SLC36A1: variants seen among roughly 807,000 people sequenced by gnomAD.
The protein encoded by SLC36A1 is solute carrier family 36 member 1.
SLC36A1 carries 30 observed loss-of-function variants against 47.5 expected under a neutral mutation model. That is an observed-to-expected ratio of 0.63 (90% CI 0.47 to 0.86). SLC36A1 has a LOEUF of 0.86. Among genes scored for constraint, SLC36A1 ranks in the 40% least tolerant of loss-of-function variants. The pLI, the probability that SLC36A1 is intolerant of heterozygous loss-of-function variation, is 0.00. For missense variants in SLC36A1, 517 were observed against 606.0 expected, an observed-to-expected ratio of 0.85 and a Z score of 1.54; for synonymous variants, 255 against 249.7, an observed-to-expected ratio of 1.02 and a Z score of -0.20.
At chr5:151,413,881 A>G in the SLC36A1 span, among the ~76,000 whole-genome samples, 1 of 152,108 alleles carries the variant, frequency 6.6e-6, no homozygotes. Context: ...ATATATGTAT[A>G]TATATACATA....
the SLC36A1 span, among the ~76,000 whole-genome samples, chr5:151,546,699 A>C: frequency 6.6e-6 from 1 of 152,166 alleles, no homozygotes; most frequent in African/African-American, 2.4e-5. Flanking sequence ...CATCATACAG[A>C]ATTTTTAACC....
chr5:151,449,475 G>GATTGTATCGTTTAT (rs1753283943), intron 1 of SLC36A1, among the ~76,000 whole-genome samples: 1 of 152,178 alleles, frequency 6.6e-6, no homozygotes, highest in Non-Finnish European at 1.5e-5. Flanking sequence ...TTTGTTTTCT[G>GATTGTATCGTTTAT]ATTGTATCGT....
At chr5:151,545,806 T>C in the SLC36A1 span, 23 of 1,614,242 alleles carry the variant, frequency 1.4e-5, no homozygotes, top group Non-Finnish European at 1.4e-5. Context: ...GATCATGCTA[T>C]ACAGTGGAGC....
At chr5:151,449,042 G>A (rs570098575) in intron 1 of SLC36A1, among the ~76,000 whole-genome samples, 1 of 152,282 alleles carries the variant, frequency 6.6e-6, no homozygotes, top group African/African-American at 2.4e-5. Context: ...GTGTGAGCCA[G>A]TGCCCCTGAC....
the SLC36A1 span, chr5:151,542,757 G>T: frequency 6.2e-7 from 1 of 1,614,196 alleles, no homozygotes; most frequent in South Asian, 1.1e-5. Context: ...TATTGTCATT[G>T]ACGTCTCCCA....
chr5:151,345,290 C>G, the SLC36A1 span, among the ~76,000 whole-genome samples: 1 of 152,124 alleles, frequency 6.6e-6, no homozygotes, highest in East Asian at 1.9e-4. Context: ...CAGAGGTACT[C>G]TGAAAGGAGC....
chr5:151,420,656 T>C, the SLC36A1 span, among the ~76,000 whole-genome samples: 81 of 152,282 alleles, frequency 5.3e-4, no homozygotes, highest in African/African-American at 1.9e-3. Context: ...TAGTACCTAT[T>C]ATAAAAAGTC....
chr5:151,392,786 T>C, the SLC36A1 span, among the ~76,000 whole-genome samples: 1 of 152,202 alleles, frequency 6.6e-6, no homozygotes, highest in Non-Finnish European at 1.5e-5. Flanking sequence ...ATAATTTCTG[T>C]TCTTTTACAT....
the SLC36A1 span, among the ~76,000 whole-genome samples, chr5:151,395,441 G>T: frequency 3.9e-5 from 6 of 152,342 alleles, no homozygotes; most frequent in East Asian, 1.2e-3. Flanking sequence ...AAGCCCCAGT[G>T]AGATGAACCT....
chr5:151,455,746 A>G lies in SLC36A1; in HGVS notation c.-5-3042A>G, dbSNP rs112318616. On this transcript the variant is annotated intron_variant, in intron 1 of 10. Transcript: ENST00000243389. ...GACAGCTGCCCGGGACACACTTCCA[A>G]GTTGCCTGGGGGAGTGCGTCCTTCG... is the stretch of plus-strand genomic sequence containing the variant. Among the ~76,000 whole-genome samples the G allele has an allele frequency of 3.2e-3, 493 of 152,344 alleles. 1 individual carries two copies. The highest frequency in any genetic ancestry group is 0.011 in the African/African-American group (470 of 41,584).
intron 1 of SLC36A1, among the ~76,000 whole-genome samples, chr5:151,457,668 G>A (rs529758081): frequency 1.5e-4 from 23 of 152,264 alleles, no homozygotes; most frequent in Non-Finnish European, 2.2e-4. Flanking sequence ...CAGGTTGGCA[G>A]CAAGAAAGGA....
chr5:151,473,141 C>T (rs1025490749), intron 7 of SLC36A1, among the ~76,000 whole-genome samples: 16 of 152,044 alleles, frequency 1.1e-4, no homozygotes, highest in Admixed American at 5.9e-4. Flanking sequence ...CGCCACTGCA[C>T]GCCAGCCTGG....
intron 4 of SLC36A1, 112 bp downstream of exon 4, chr5:151,464,714 G>A (rs1756081298): frequency 2.3e-6 from 2 of 887,456 alleles, no homozygotes; most frequent in Non-Finnish European, 3.6e-6. Context: ...ACACTGGCTG[G>A]AGGTAGCAGC....
intron 10 of SLC36A1, among the ~76,000 whole-genome samples, chr5:151,487,287 G>A (rs1003365069): frequency 3.3e-5 from 5 of 152,252 alleles, no homozygotes; most frequent in East Asian, 3.9e-4. Context: ...GGTATGGCAC[G>A]GAAGCCGATG....
chr5:151,476,953 G>A (rs917066776), intron 9 of SLC36A1, 197 bp downstream of exon 9: 2 of 731,332 alleles, frequency 2.7e-6, no homozygotes, highest in Non-Finnish European at 4.8e-6. Flanking sequence ...GCCTTCTGCT[G>A]AAGCCATTGG....
the SLC36A1 span, among the ~76,000 whole-genome samples, chr5:151,390,373 G>A: frequency 2.0e-5 from 3 of 152,132 alleles, no homozygotes; most frequent in Non-Finnish European, 4.4e-5. Flanking sequence ...TCACTCTGAC[G>A]GTAGTTTCTT....
chr5:151,540,453 C>G, the SLC36A1 span: 190 of 707,358 alleles, frequency 2.7e-4, no homozygotes, highest in African/African-American at 3.1e-3. Flanking sequence ...CCCTCACTCT[C>G]TGTTCTCCTG....
chr5:151,421,190 T>C, the SLC36A1 span, among the ~76,000 whole-genome samples: 1 of 148,172 alleles, frequency 6.7e-6, no homozygotes, highest in East Asian at 2.0e-4. Context: ...CCTTCCTTCC[T>C]TCCTTCCTTC....
the SLC36A1 span, among the ~76,000 whole-genome samples, chr5:151,410,510 T>C: frequency 1.4e-5 from 2 of 144,836 alleles, no homozygotes; most frequent in African/African-American, 5.0e-5. Context: ...CCTTAAGGAC[T>C]TGGTGAATAA....
Sources: allele counts gnomAD v4.1 joint callset (sites outside exome capture counted in the v4.1 genomes callset), GRCh38; gene constraint gnomAD v4.1.1; transcripts MANE v1.5; gene names NCBI Gene and HGNC (gene_info 2026-07-23, HGNC 2026-07-21).